The following FILIP1 variants were observed in gnomAD, a reference collection of about 807,000 sequenced individuals.
The protein encoded by FILIP1 is filamin A interacting protein 1, also known as filamin-A-interacting protein 1.
Under a neutral mutation model 102.1 loss-of-function variants are expected in FILIP1, and 61 were observed. That is an observed-to-expected ratio of 0.60 (90% CI 0.49 to 0.74). The LOEUF (loss-of-function observed/expected upper bound fraction) is 0.74, where lower values mean the gene tolerates loss of function less well. FILIP1 is among the 30% of genes least tolerant of loss of function. The probability of loss-of-function intolerance (pLI) is 0.00; values close to 1 mark genes in which losing one functional copy is unlikely to be tolerated. For missense variants in FILIP1, 1,314 were observed against 1,441.2 expected, an observed-to-expected ratio of 0.91 and a Z score of 1.43; for synonymous variants, 491 against 526.9, an observed-to-expected ratio of 0.93 and a Z score of 0.93.
At chr6:75,412,220 C>T (rs1777097356) in intron 2 of FILIP1, among the ~76,000 whole-genome samples, 1 of 152,084 alleles carries the variant, frequency 6.6e-6, no homozygotes, top group South Asian at 2.1e-4. Flanking sequence ...CTCTGTTTGT[C>T]TATTATTGGT....
chr6:75,326,814 C>G (rs1448187238), intron 4 of FILIP1, among the ~76,000 whole-genome samples: 1 of 152,170 alleles, frequency 6.6e-6, no homozygotes, highest in Non-Finnish European at 1.5e-5. Context: ...TCAGGTTTGC[C>G]AGACTCTGTT....
chr6:75,314,812 T>G lies in FILIP1; in HGVS notation c.1020A>C (p.Gln340His). 6.2e-7 allele frequency: 1 copy of G among 1,614,000 alleles called. No individual in the cohort carries two copies. The highest frequency in any genetic ancestry group is 8.5e-7 in the Non-Finnish European group (1 of 1,180,006). The change falls in exon 5 of 6, where the codon CAA (glutamine) becomes CAC (histidine). Residue 340 changes from glutamine (Q) to histidine (H), a missense_variant. By Grantham distance (24) the Gln-to-His change is conservative. Coordinates refer to ENST00000237172, the MANE Select transcript of FILIP1 (RefSeq NM_015687.5). ...QLRLKLVGLTQRIEELEETNK... is the reference protein window; with the variant it reads ...QLRLKLVGLTHRIEELEETNK... The stretch of plus-strand genomic sequence containing the variant: ...TGGTCTCTTCTAGCTCCTCGATTCT[T>G]TGGGTTAAGCCAACCAGCTTGAGTC...
intron 1 of FILIP1, among the ~76,000 whole-genome samples, chr6:75,422,075 C>T (rs1276228137): frequency 6.6e-6 from 1 of 152,038 alleles, no homozygotes; most frequent in Non-Finnish European, 1.5e-5. Context: ...AAGAGAAAAG[C>T]ATTTAACTAT....
intron 2 of FILIP1, among the ~76,000 whole-genome samples, chr6:75,380,207 C>CA (rs11447756): frequency 0.73 from 108,911 of 149,244 alleles, 39,915 homozygotes; most frequent in African/African-American, 0.84. Context: ...AATTAAAAGG[C>CA]AAAAAAAAAG....
intron 1 of FILIP1, among the ~76,000 whole-genome samples, chr6:75,437,375 T>C (rs1778062040): frequency 6.6e-6 from 1 of 152,362 alleles, no homozygotes; most frequent in Non-Finnish European, 1.5e-5. Flanking sequence ...TGAACTGCAG[T>C]CAATGTTTTG....
intron 4 of FILIP1, among the ~76,000 whole-genome samples, chr6:75,337,043 A>G (rs538929412): frequency 6.6e-6 from 1 of 152,270 alleles, no homozygotes; most frequent in South Asian, 2.1e-4. Flanking sequence ...CAAATACTTA[A>G]TTGGTTGCCC....
intron 2 of FILIP1, among the ~76,000 whole-genome samples, chr6:75,389,215 T>C (rs1469723581): frequency 6.6e-6 from 1 of 152,240 alleles, no homozygotes; most frequent in Non-Finnish European, 1.5e-5. Flanking sequence ...ATCCCAGGGA[T>C]GAAGCTGACT....
At chr6:75,303,490 G>A (rs971680452), downstream of FILIP1, among the ~76,000 whole-genome samples, 1 of 152,198 alleles carries the variant, frequency 6.6e-6, no homozygotes, top group Non-Finnish European at 1.5e-5. Flanking sequence ...CTTGGTCATT[G>A]AGGGAAAAGA....
At chr6:75,476,130 A>G (rs1241344831) in intron 1 of FILIP1, among the ~76,000 whole-genome samples, 1 of 151,822 alleles carries the variant, frequency 6.6e-6, no homozygotes, top group Non-Finnish European at 1.5e-5. Flanking sequence ...AATCCCAGCT[A>G]CTCAGGAGGC....
At chr6:75,348,058 G>A (rs1774651814) in intron 4 of FILIP1, among the ~76,000 whole-genome samples, 1 of 62,808 alleles carries the variant, frequency 1.6e-5, no homozygotes. Context: ...CTCCACATCA[G>A]TTATACACAC....
intron 1 of FILIP1, among the ~76,000 whole-genome samples, chr6:75,482,056 T>C (rs1779662712): frequency 6.6e-6 from 1 of 152,170 alleles, no homozygotes; most frequent in Admixed American, 6.6e-5. Flanking sequence ...CACTTTCATC[T>C]GGTTTTCCCC....
At chr6:75,461,797 T>C (rs2998367) in intron 1 of FILIP1, among the ~76,000 whole-genome samples, 106,352 of 152,160 alleles carry the variant, frequency 0.7, 38,121 homozygotes, top group African/African-American at 0.86. Context: ...AGAATTCTTA[T>C]TAAGCACCGC....
intron 1 of FILIP1, among the ~76,000 whole-genome samples, chr6:75,428,972 A>G (rs1301192395): frequency 6.6e-6 from 1 of 152,194 alleles, no homozygotes. Context: ...ATTTAGATGG[A>G]GCATTTACTA....
At chr6:75,368,888 T>C (rs996017474) in intron 2 of FILIP1, among the ~76,000 whole-genome samples, 1 of 152,200 alleles carries the variant, frequency 6.6e-6, no homozygotes, top group South Asian at 2.1e-4. Flanking sequence ...GGAAACATCA[T>C]TCATCTGCTG....
At chr6:75,341,961 A>G (rs752136292) in intron 4 of FILIP1, among the ~76,000 whole-genome samples, 8 of 152,226 alleles carry the variant, frequency 5.3e-5, no homozygotes, top group Non-Finnish European at 1.0e-4. Flanking sequence ...ATTACATGCT[A>G]TGCCTTGTGA....
At chr6:75,410,207 A>T (rs1777013710) in intron 2 of FILIP1, among the ~76,000 whole-genome samples, 1 of 152,132 alleles carries the variant, frequency 6.6e-6, no homozygotes, top group South Asian at 2.1e-4. Context: ...GTCTTTGGAG[A>T]TCTGGGAGAC....
At chr6:75,346,748 TA>T (rs1774599456) in intron 4 of FILIP1, among the ~76,000 whole-genome samples, 1 of 152,168 alleles carries the variant, frequency 6.6e-6, no homozygotes, top group Admixed American at 6.5e-5. Context: ...ACACCCCAGC[TA>T]GGGGTAACAC....
chr6:75,463,174 C>T (rs1048332978), intron 1 of FILIP1, among the ~76,000 whole-genome samples: 2 of 152,200 alleles, frequency 1.3e-5, no homozygotes, highest in African/African-American at 4.8e-5. Flanking sequence ...ATGTGCGGAT[C>T]TTAGAATTGC....
intron 2 of FILIP1, among the ~76,000 whole-genome samples, chr6:75,371,989 A>G (rs1775535584): frequency 6.6e-6 from 1 of 152,230 alleles, no homozygotes; most frequent in South Asian, 2.1e-4. Context: ...ACTTCCTTGC[A>G]TCAGAGAACA....
Sources: gnomAD v4.1 joint callset for allele counts (sites outside exome capture counted in the v4.1 genomes callset) on GRCh38, gnomAD v4.1.1 for gene constraint, MANE v1.5 for transcripts, NCBI Gene and HGNC (gene_info 2026-07-23, HGNC 2026-07-21) for gene names.